Variants in RAPGEF5 observed in about 807,000 individuals in gnomAD.
RAPGEF5 encodes the protein M-Ras-regulated GEF.
Under a neutral mutation model 125.2 loss-of-function variants are expected in RAPGEF5, and 65 were observed. The ratio of observed to expected loss-of-function variants is 0.52; its 90% CI spans 0.43 to 0.64. RAPGEF5 has a LOEUF of 0.64. RAPGEF5 is among the 30% of genes least tolerant of loss of function. RAPGEF5 has a pLI of 0.00. For missense variants in RAPGEF5, 958 were observed against 1,048.1 expected (o/e 0.91, Z 1.19); for synonymous variants, 391 against 385.9 (o/e 1.01, Z -0.16).
At chr7:22,342,715 C>T (rs527809374) in intron 1 of RAPGEF5, among the ~76,000 whole-genome samples, 1 of 152,174 alleles carries the variant, frequency 6.6e-6, no homozygotes, top group Non-Finnish European at 1.5e-5. Context: ...GGGCAAAATG[C>T]CACCAGTTCT....
At position 22,356,920 on chromosome 7, in the gene RAPGEF5, C is replaced by G; in HGVS notation, c.141G>C (p.Pro47=). The change falls in exon 1 of 26, where the codon CCG becomes CCC. Residue 47 remains proline, a synonymous_variant. Transcript: ENST00000665637. ...CCCTCAGCCGCGGCCGCAGCGACGCCGGCGGCTGCTCGCGCTCGGGCTCCC... is the reference window on the plus strand; with the variant it reads ...CCCTCAGCCGCGGCCGCAGCGACGCGGGCGGCTGCTCGCGCTCGGGCTCCC... ...SAREPEREQP[P]ASLRPRLRDL... is the part of the protein sequence containing the mutation. 1 of 1,090,930 alleles carries G rather than the reference C, an allele frequency of 9.2e-7. No homozygotes were observed. The allele number at this position is 1,090,930 out of a possible 1,614,324, so 67.6% of individuals were successfully genotyped here.
chr7:22,222,969 T>C (rs1785828387), intron 8 of RAPGEF5, among the ~76,000 whole-genome samples: 1 of 117,550 alleles, frequency 8.5e-6, no homozygotes, highest in Non-Finnish European at 1.9e-5. Flanking sequence ...AAGGATGGAG[T>C]TGTCATGGGG....
intron 3 of RAPGEF5, among the ~76,000 whole-genome samples, chr7:22,313,542 C>G (rs921827864): frequency 6.6e-6 from 1 of 152,192 alleles, no homozygotes; most frequent in African/African-American, 2.4e-5. Context: ...AACACATGCT[C>G]TCTCCCCATT....
At chr7:22,307,667 G>A (rs77097684) in intron 5 of RAPGEF5, among the ~76,000 whole-genome samples, 13,410 of 152,036 alleles carry the variant, frequency 0.088, 663 homozygotes, top group Non-Finnish European at 0.11. Flanking sequence ...GCTTGCCCCC[G>A]CTAATATCAT....
intron 1 of RAPGEF5, among the ~76,000 whole-genome samples, chr7:22,339,681 G>T (rs1347022084): frequency 6.6e-6 from 1 of 152,194 alleles, no homozygotes; most frequent in Non-Finnish European, 1.5e-5. Context: ...ACTTTCCTTT[G>T]TCTTGTGTTT....
chr7:22,296,786 A>T (rs1208411734), intron 5 of RAPGEF5, among the ~76,000 whole-genome samples: 1 of 152,180 alleles, frequency 6.6e-6, no homozygotes, highest in Non-Finnish European at 1.5e-5. Flanking sequence ...GGAAAAGGAA[A>T]GATTAGCAAA....
intron 3 of RAPGEF5, among the ~76,000 whole-genome samples, chr7:22,310,897 C>A (rs112633645): frequency 6.6e-6 from 1 of 152,004 alleles, no homozygotes; most frequent in Admixed American, 6.6e-5. Context: ...TTATTACAGG[C>A]GGTATCATCA....
intron 11 of RAPGEF5, among the ~76,000 whole-genome samples, chr7:22,180,925 A>G (rs1009072854): frequency 3.9e-5 from 6 of 152,232 alleles, no homozygotes; most frequent in African/African-American, 2.4e-5. Context: ...GCAAATTGTC[A>G]TAATAATTCT....
At chr7:22,226,166 C>G (rs962222767) in intron 8 of RAPGEF5, among the ~76,000 whole-genome samples, 1 of 152,152 alleles carries the variant, frequency 6.6e-6, no homozygotes, top group Non-Finnish European at 1.5e-5. Context: ...GTCAGGGAAA[C>G]CAGAAAGAAA....
chr7:22,165,256 T>TC (rs1784126185), intron 12 of RAPGEF5, among the ~76,000 whole-genome samples: 1 of 152,180 alleles, frequency 6.6e-6, no homozygotes, highest in Non-Finnish European at 1.5e-5. Context: ...TTTAGGGACA[T>TC]CCTATAGGAC....
intron 14 of RAPGEF5, among the ~76,000 whole-genome samples, 168 bp downstream of exon 14, chr7:22,160,350 G>A (rs1783947869): frequency 6.6e-6 from 1 of 152,068 alleles, no homozygotes; most frequent in Non-Finnish European, 1.5e-5. Context: ...CTTTCATTTT[G>A]AGTTATAAGA....
At chr7:22,355,851 C>G (rs181411765) in intron 1 of RAPGEF5, 2 of 666,882 alleles carry the variant, frequency 3.0e-6, no homozygotes, top group South Asian at 1.3e-4. Flanking sequence ...CCAGCAAGGT[C>G]TTGTTTTAAG....
chr7:22,227,410 T>C (rs1311817865), intron 8 of RAPGEF5, among the ~76,000 whole-genome samples: 1 of 152,182 alleles, frequency 6.6e-6, no homozygotes, highest in African/African-American at 2.4e-5. Flanking sequence ...TTAATTTGTA[T>C]AACAAATAAT....
At chr7:22,147,085 G>A in intron 18 of RAPGEF5, 66 bp from the exon 19 acceptor site, 5 of 1,561,530 alleles carry the variant, frequency 3.2e-6, no homozygotes, top group Middle Eastern at 1.7e-4. Context: ...TTGGCTGGCT[G>A]TAGAAAGGCA....
At chr7:22,259,528 T>C (rs1452023219) in intron 7 of RAPGEF5, among the ~76,000 whole-genome samples, 1 of 152,158 alleles carries the variant, frequency 6.6e-6, no homozygotes, top group Non-Finnish European at 1.5e-5. Context: ...GAGATGAAAA[T>C]TTACATTCAC....
intron 11 of RAPGEF5, among the ~76,000 whole-genome samples, chr7:22,176,469 T>G (rs544877439): frequency 2.0e-5 from 3 of 152,322 alleles, no homozygotes; most frequent in Non-Finnish European, 4.4e-5. Context: ...TAAGAAGATA[T>G]TCTACAAAAC....
rs1354333831 is a variant in RAPGEF5 at position 22,121,026 on chromosome 7, G to C, written c.*1380C>G. On this transcript the variant is annotated 3_prime_UTR_variant, in exon 26 of 26. Coordinates refer to ENST00000665637, the MANE Select transcript of RAPGEF5 (RefSeq NM_012294.5). The stretch of plus-strand genomic sequence containing the variant: ...TGCATTTGGAAAATGAATGGACCAG[G>C]CCCTTGCATTTTAGCAAGGTGACAA... 6.6e-6 allele frequency: 1 copy of C among 152,146 alleles called. No homozygotes were observed. Among genetic ancestry groups the C allele is most frequent in the African/African-American group, 2.4e-5 (1 of 41,444 alleles). The allele number at this position is 152,146 out of a possible 1,614,324, so 9.4% of individuals were successfully genotyped here. A position where few individuals can be genotyped will look rare whatever the true frequency, so the allele number is the denominator to read the frequency against.
chr7:22,356,994 C>T lies in RAPGEF5; in HGVS notation c.67G>A (p.Ala23Thr), dbSNP rs952601330. 174 of 1,024,948 alleles carry T rather than the reference C, an allele frequency of 1.7e-4. No individual in the cohort carries two copies. The African/African-American group carries it at 2.7e-3, about 16-fold the overall frequency. The allele number at this position is 1,024,948 out of a possible 1,614,324, so 63.5% of individuals were successfully genotyped here. Reference protein sequence around the residue: ...PCESPALAAAAAVVAADGPLR... With the variant: ...PCESPALAAATAVVAADGPLR... ...GGGCCGTCTGCCGCCACCACCGCCG[C>T]CGCGGCGGCCAGGGCCGGGCTCTCG... The change falls in exon 1 of 26, where the codon GCG (alanine) becomes ACG (threonine). Residue 23 changes from alanine to threonine, a missense_variant. Physicochemically the swap from Ala to Thr is moderately conservative, Grantham distance 58. Transcript: ENST00000665637.
intron 7 of RAPGEF5, among the ~76,000 whole-genome samples, chr7:22,231,754 G>A (rs1341958922): frequency 6.6e-6 from 1 of 152,136 alleles, no homozygotes; most frequent in East Asian, 1.9e-4. Context: ...TTATTCTTCT[G>A]TTTTAACAAA....
Sources: gnomAD v4.1 joint callset for allele counts (sites outside exome capture counted in the v4.1 genomes callset) on GRCh38, gnomAD v4.1.1 for gene constraint, MANE v1.5 for transcripts, NCBI Gene and HGNC (gene_info 2026-07-23, HGNC 2026-07-21) for gene names.